CNTNAP2: variants seen among roughly 807,000 people sequenced by gnomAD.
The protein encoded by CNTNAP2 is contactin-associated protein-like 2.
CNTNAP2 carries 98 observed loss-of-function variants against 155.2 expected under a neutral mutation model. That is an observed-to-expected ratio of 0.63 (90% CI 0.54 to 0.75). The LOEUF is 0.75. Ranked by LOEUF, CNTNAP2 falls within the 30% of genes least tolerant of loss-of-function variation. The pLI is 0.00. For synonymous variants in CNTNAP2, 651 were observed against 631.2 expected, an observed-to-expected ratio of 1.03 and a Z score of -0.47; for missense variants, 1,727 against 1,688.1, an observed-to-expected ratio of 1.02 and a Z score of -0.40.
chr7:146,371,522 C>A (rs1795235839), intron 1 of CNTNAP2, among the ~76,000 whole-genome samples: 1 of 151,852 alleles, frequency 6.6e-6, no homozygotes, highest in Admixed American at 6.6e-5. Context: ...GTACCCGCCA[C>A]CGCGCCAGCT....
At chr7:147,688,228 G>T (rs1796040860) in intron 13 of CNTNAP2, among the ~76,000 whole-genome samples, 1 of 152,120 alleles carries the variant, frequency 6.6e-6, no homozygotes, top group African/African-American at 2.4e-5. Context: ...GAAATAAAGA[G>T]AGAAATTGTA....
At chr7:148,397,093 G>A (rs1799485807) in intron 22 of CNTNAP2, among the ~76,000 whole-genome samples, 1 of 152,166 alleles carries the variant, frequency 6.6e-6, no homozygotes, top group South Asian at 2.1e-4. Context: ...TCCTGGAATG[G>A]CCACATGTGG....
intron 13 of CNTNAP2, among the ~76,000 whole-genome samples, chr7:147,842,608 A>G (rs1274247024): frequency 5.1e-5 from 2 of 39,136 alleles, no homozygotes; most frequent in South Asian, 1.2e-3. Flanking sequence ...TTTTTTTATT[A>G]TACTCTAAGT....
chr7:146,434,498 C>T (rs1796214808), intron 1 of CNTNAP2, among the ~76,000 whole-genome samples: 1 of 152,110 alleles, frequency 6.6e-6, no homozygotes, highest in Non-Finnish European at 1.5e-5. Context: ...TAACCCTCAA[C>T]ATTTATGTGA....
intron 20 of CNTNAP2, among the ~76,000 whole-genome samples, chr7:148,263,599 T>C (rs994777330): frequency 2.0e-5 from 3 of 151,438 alleles, no homozygotes; most frequent in South Asian, 2.1e-4. Context: ...TAGCCGGGCG[T>C]GGTGGCGGGC....
intron 3 of CNTNAP2, among the ~76,000 whole-genome samples, chr7:147,015,551 A>G (rs918393260): frequency 7.2e-5 from 11 of 152,112 alleles, no homozygotes; most frequent in African/African-American, 2.4e-4. Context: ...GCTTATTCAT[A>G]AAAGAGAACC....
At chr7:146,560,876 A>G (rs1798269869) in intron 1 of CNTNAP2, among the ~76,000 whole-genome samples, 1 of 152,066 alleles carries the variant, frequency 6.6e-6, no homozygotes, top group Non-Finnish European at 1.5e-5. Flanking sequence ...TTTCATTTCA[A>G]TTCAAGGGAC....
intron 9 of CNTNAP2, among the ~76,000 whole-genome samples, chr7:147,325,629 G>A (rs1332714746): frequency 6.6e-6 from 1 of 152,152 alleles, no homozygotes; most frequent in African/African-American, 2.4e-5. Context: ...TGACAGCTAA[G>A]ATTCCCTAAA....
At chr7:146,638,138 C>T (rs150009850) in intron 1 of CNTNAP2, among the ~76,000 whole-genome samples, 95 of 152,204 alleles carry the variant, frequency 6.2e-4, no homozygotes, top group African/African-American at 1.9e-3. Context: ...TGTCTGTAAG[C>T]GTATAGCCAG....
Position 146,130,201 on chromosome 7 carries a change from C to T in CNTNAP2, c.97+13228C>T, listed in dbSNP as rs79865866. ...GTCGGGCCGGGCGTGGTGGCTCATG[C>T]GTATTATCCCAGCACTTTGGGAGGC... On this transcript the variant is annotated intron_variant, in intron 1 of 23. Transcript: ENST00000361727. Among the ~76,000 whole-genome samples, 1,037 of 152,304 alleles carry T rather than the reference C, an allele frequency of 6.8e-3. 6 individuals are homozygous for T. The highest frequency in any genetic ancestry group is 0.012 in the Non-Finnish European group (784 of 68,022).
chr7:147,819,719 G>T (rs1276865256), intron 13 of CNTNAP2, among the ~76,000 whole-genome samples: 2 of 152,198 alleles, frequency 1.3e-5, no homozygotes, highest in African/African-American at 4.8e-5. Context: ...TCAGTTCAAA[G>T]GAGAATGTAG....
chr7:147,562,084 T>C, intron 11 of CNTNAP2, 54 bp from the exon 12 acceptor site: 1 of 1,612,312 alleles, frequency 6.2e-7, no homozygotes, highest in Non-Finnish European at 8.5e-7. Flanking sequence ...GACATTTATC[T>C]GGGGAGCCAT....
intron 11 of CNTNAP2, among the ~76,000 whole-genome samples, chr7:147,534,487 A>C (rs1415063682): frequency 4.6e-5 from 7 of 152,168 alleles, no homozygotes; most frequent in African/African-American, 1.7e-4. Flanking sequence ...GGAACAGGAT[A>C]GGGCAATCAT....
chr7:146,527,162 T>A (rs979769431), intron 1 of CNTNAP2, among the ~76,000 whole-genome samples: 2 of 152,136 alleles, frequency 1.3e-5, no homozygotes, highest in Non-Finnish European at 2.9e-5. Flanking sequence ...TTGTCCAATT[T>A]CTAACACAGT....
intron 11 of CNTNAP2, among the ~76,000 whole-genome samples, chr7:147,550,101 T>C (rs1269939130): frequency 6.6e-6 from 1 of 152,204 alleles, no homozygotes; most frequent in Non-Finnish European, 1.5e-5. Flanking sequence ...CTTCCACTTT[T>C]AACAACATAA....
chr7:146,356,044 C>T (rs1202580257), intron 1 of CNTNAP2, among the ~76,000 whole-genome samples: 1 of 134,652 alleles, frequency 7.4e-6, no homozygotes, highest in East Asian at 2.2e-4. Flanking sequence ...ATGAAGTATA[C>T]ATACGAATAC....
At chr7:147,580,990 A>C (rs997321911) in intron 12 of CNTNAP2, among the ~76,000 whole-genome samples, 7 of 152,146 alleles carry the variant, frequency 4.6e-5, no homozygotes, top group Non-Finnish European at 8.8e-5. Flanking sequence ...ATCCTCAATA[A>C]AGTTCTAGAA....
chr7:147,947,792 CAT>C (rs1800846888), intron 14 of CNTNAP2, among the ~76,000 whole-genome samples: 1 of 152,100 alleles, frequency 6.6e-6, no homozygotes, highest in South Asian at 2.1e-4. Flanking sequence ...GCCAAAGAGC[CAT>C]ATTTTTGGAG....
At chr7:146,871,296 C>T (rs760480045) in intron 3 of CNTNAP2, among the ~76,000 whole-genome samples, 42 of 151,922 alleles carry the variant, frequency 2.8e-4, no homozygotes, top group Admixed American at 5.3e-4. Flanking sequence ...TTTGGGAGGC[C>T]GAGGCGGGCA....
Sources: gnomAD v4.1 joint callset for allele counts (sites outside exome capture counted in the v4.1 genomes callset) on GRCh38, gnomAD v4.1.1 for gene constraint, MANE v1.5 for transcripts, NCBI Gene and HGNC (gene_info 2026-07-23, HGNC 2026-07-21) for gene names.